SLC25A26: variants seen among roughly 807,000 people sequenced by gnomAD.
The protein encoded by SLC25A26 is mitochondrial S-adenosylmethionine carrier protein.
In SLC25A26, 36 loss-of-function variants were observed where a neutral mutation model predicts 37.8. The observed-to-expected ratio is 0.95, with a 90% CI of 0.73 to 1.26. The LOEUF (loss-of-function observed/expected upper bound fraction) is 1.26. Among genes scored for constraint, SLC25A26 ranks in the 50% most tolerant of loss-of-function variants. The probability of loss-of-function intolerance (pLI) is 0.00; values close to 1 mark genes in which losing one functional copy is unlikely to be tolerated. For missense variants in SLC25A26, 390 were observed against 331.1 expected, an observed-to-expected ratio of 1.18 and a Z score of -1.38; for synonymous variants, 129 against 122.5, an observed-to-expected ratio of 1.05 and a Z score of -0.35.
intron 5 of SLC25A26, among the ~76,000 whole-genome samples, chr3:66,272,942 C>T (rs1321309269): frequency 6.6e-6 from 1 of 152,020 alleles, no homozygotes; most frequent in African/African-American, 2.4e-5. Flanking sequence ...TCATAGATAG[C>T]TCTTATTATT....
intron 1 of SLC25A26, among the ~76,000 whole-genome samples, chr3:66,211,116 A>G (rs2071279245): frequency 1.3e-5 from 2 of 152,216 alleles, no homozygotes; most frequent in South Asian, 4.1e-4. Context: ...CTGAGAAATG[A>G]CAAAACAAAT....
intron 1 of SLC25A26, among the ~76,000 whole-genome samples, chr3:66,168,980 C>T (rs1387890413): frequency 6.6e-6 from 1 of 152,070 alleles, no homozygotes; most frequent in African/African-American, 2.4e-5. Context: ...TAAAAATTAG[C>T]TTGGCATGGT....
intron 5 of SLC25A26, among the ~76,000 whole-genome samples, chr3:66,278,064 C>G (rs2074215999): frequency 6.6e-6 from 1 of 152,094 alleles, no homozygotes; most frequent in South Asian, 2.1e-4. Context: ...CATTCAAAAT[C>G]TGTAATTTAG....
intron 1 of SLC25A26, among the ~76,000 whole-genome samples, chr3:66,230,835 A>G (rs868942187): frequency 6.0e-5 from 9 of 149,134 alleles, no homozygotes; most frequent in Admixed American, 1.3e-4. Context: ...AAAAACCAGA[A>G]TTTTAGACTG....
chr3:66,166,961 C>T (rs1385609503), intron 1 of SLC25A26, among the ~76,000 whole-genome samples: 3 of 151,884 alleles, frequency 2.0e-5, no homozygotes, highest in Non-Finnish European at 4.4e-5. Flanking sequence ...ATAAGTCTCA[C>T]GAGATCTGAT....
chr3:66,203,684 C>T (rs2071137744), intron 1 of SLC25A26, among the ~76,000 whole-genome samples: 1 of 152,214 alleles, frequency 6.6e-6, no homozygotes, highest in African/African-American at 2.4e-5. Flanking sequence ...AAAGAAAAGA[C>T]TGCTTACTTT....
At chr3:66,360,913 C>G (rs2107800075) in intron 6 of SLC25A26, among the ~76,000 whole-genome samples, 1 of 152,226 alleles carries the variant, frequency 6.6e-6, no homozygotes, top group Admixed American at 6.5e-5. Context: ...TTGCAAAATT[C>G]ATATGGAAAT....
intron 1 of SLC25A26, among the ~76,000 whole-genome samples, chr3:66,160,055 T>G (rs187885183): frequency 6.6e-5 from 10 of 152,210 alleles, no homozygotes; most frequent in East Asian, 5.8e-4. Flanking sequence ...CAGGCTGGAG[T>G]GCAGTGGTGC....
At chr3:66,279,348 G>A (rs1426351510) in intron 5 of SLC25A26, among the ~76,000 whole-genome samples, 1 of 152,150 alleles carries the variant, frequency 6.6e-6, no homozygotes, top group East Asian at 1.9e-4. Flanking sequence ...ATAGCATAGT[G>A]GTTCAGACCA....
At chr3:66,270,399 A>G (rs919577970) in intron 5 of SLC25A26, among the ~76,000 whole-genome samples, 2 of 152,198 alleles carry the variant, frequency 1.3e-5, no homozygotes, top group Admixed American at 6.5e-5. Context: ...TTAATCCTAC[A>G]TAATTCATTT....
At chr3:66,279,819 C>T (rs1054635434) in intron 5 of SLC25A26, among the ~76,000 whole-genome samples, 11 of 152,186 alleles carry the variant, frequency 7.2e-5, no homozygotes, top group African/African-American at 2.7e-4. Flanking sequence ...TGTCTTGATC[C>T]ACGTATTGTA....
intron 5 of SLC25A26, among the ~76,000 whole-genome samples, chr3:66,308,952 G>T (rs2075302376): frequency 6.6e-6 from 1 of 152,134 alleles, no homozygotes; most frequent in African/African-American, 2.4e-5. Flanking sequence ...TTTTATTGAG[G>T]ATTTTCGCGT....
At chr3:66,148,817 C>T (rs1317754917) in intron 1 of SLC25A26, among the ~76,000 whole-genome samples, 1 of 152,102 alleles carries the variant, frequency 6.6e-6, no homozygotes, top group African/African-American at 2.4e-5. Flanking sequence ...GTCAGTCTCA[C>T]AAAGTGTTAG....
At chr3:66,305,071 C>T (rs935756266) in intron 5 of SLC25A26, among the ~76,000 whole-genome samples, 8 of 152,114 alleles carry the variant, frequency 5.3e-5, no homozygotes, top group African/African-American at 1.4e-4. Flanking sequence ...CTTAGAGCTG[C>T]GAAAAGCCAA....
intron 5 of SLC25A26, among the ~76,000 whole-genome samples, chr3:66,288,136 C>T (rs775097479): frequency 2.6e-5 from 4 of 152,130 alleles, no homozygotes; most frequent in Non-Finnish European, 4.4e-5. Flanking sequence ...TAAAGCAGTT[C>T]ATTAGTAGTT....
At chr3:66,160,603 T>C (rs867415648) in intron 1 of SLC25A26, among the ~76,000 whole-genome samples, 2 of 152,238 alleles carry the variant, frequency 1.3e-5, no homozygotes, top group Non-Finnish European at 1.5e-5. Context: ...AAAACTTTAA[T>C]TGACATATTG....
intron 1 of SLC25A26, among the ~76,000 whole-genome samples, chr3:66,195,303 G>T (rs1056252113): frequency 1.1e-4 from 17 of 152,300 alleles, no homozygotes; most frequent in Admixed American, 1.1e-3. Context: ...TGGGGGAAAA[G>T]CCCCCTGCCC....
intron 1 of SLC25A26, among the ~76,000 whole-genome samples, chr3:66,185,425 T>C (rs2070807014): frequency 6.6e-6 from 1 of 152,230 alleles, no homozygotes; most frequent in African/African-American, 2.4e-5. Context: ...CGTTCAAGTA[T>C]CTCTTTGAGA....
chr3:66,306,809 A>C (rs963616921), intron 5 of SLC25A26, among the ~76,000 whole-genome samples: 1 of 152,184 alleles, frequency 6.6e-6, no homozygotes, highest in Non-Finnish European at 1.5e-5. Context: ...TTTTAGCTTC[A>C]TCCATGTCCC....
Sources: allele counts gnomAD v4.1 joint callset (sites outside exome capture counted in the v4.1 genomes callset), GRCh38; gene constraint gnomAD v4.1.1; transcripts MANE v1.5; gene names NCBI Gene and HGNC (gene_info 2026-07-23, HGNC 2026-07-21).